The following UTP20 variants were observed in gnomAD, a reference collection of about 807,000 sequenced individuals.
UTP20 encodes UTP20 small subunit processome component.
In UTP20, 164 loss-of-function variants were observed where a neutral mutation model predicts 329.5. The ratio of observed to expected loss-of-function variants is 0.50; its 90% CI spans 0.44 to 0.57. The LOEUF is 0.57. Among genes scored for constraint, UTP20 ranks in the 20% least tolerant of loss-of-function variants. The probability of loss-of-function intolerance (pLI) is 0.00; values close to 1 mark genes in which losing one functional copy is unlikely to be tolerated. For missense variants in UTP20, 3,055 were observed against 3,284.2 expected (o/e 0.93, Z 1.71); for synonymous variants, 1,151 against 1,159.3 (o/e 0.99, Z 0.14).
At chr12:101,353,177 A>C in intron 40 of UTP20, 48 bp downstream of exon 40, 1 of 1,327,940 alleles carries the variant, frequency 7.5e-7, no homozygotes, top group South Asian at 1.3e-5. Flanking sequence ...TTATTCTTGG[A>C]TAGTGTATGG....
rs905370447 is a variant in UTP20, at chr12:101,327,373, A to G, written c.3208+126A>G. On this transcript the variant is annotated intron_variant, in intron 26 of 61. Transcript: ENST00000261637. ...GTTGTTCCTCCCAATCTTGATGGCA[A>G]TCTTTTTGCTGAAGTGCAACTCATT... is the stretch of plus-strand genomic sequence containing the variant. The G allele has an allele frequency of 1.4e-5, 14 of 968,188 alleles. No homozygotes were observed. The Admixed American group carries it at 1.5e-4, about 10-fold the overall frequency. 60.0% of individuals were successfully genotyped at this position (968,188 alleles called of 1,614,324 possible).
At chr12:101,370,687 A>G in intron 50 of UTP20, 124 bp downstream of exon 50, 2 of 1,115,196 alleles carry the variant, frequency 1.8e-6, no homozygotes, top group Non-Finnish European at 2.5e-6. Context: ...TGTAAAGATT[A>G]TTATGATTTT....
chr12:101,320,740 T>G, intron 23 of UTP20, 112 bp from the exon 24 acceptor site: 2 of 823,668 alleles, frequency 2.4e-6, no homozygotes, highest in Non-Finnish European at 3.6e-6. Context: ...TTAGGTCTTG[T>G]GTAAAAATTT....
intron 60 of UTP20, among the ~76,000 whole-genome samples, 162 bp from the exon 61 acceptor site, chr12:101,385,421 C>T (rs553749544): frequency 1.1e-4 from 16 of 152,260 alleles, no homozygotes; most frequent in Admixed American, 2.6e-4. Flanking sequence ...GTTGAAGTAA[C>T]AGTGATAATG....
intron 48 of UTP20, among the ~76,000 whole-genome samples, chr12:101,368,888 G>A (rs1027717710): frequency 6.6e-6 from 1 of 150,740 alleles, no homozygotes; most frequent in African/African-American, 2.5e-5. Context: ...TCCCAAGCTC[G>A]CTCTTCTGTG....
intron 12 of UTP20, among the ~76,000 whole-genome samples, chr12:101,298,609 T>C (rs1393676654): frequency 6.6e-6 from 1 of 152,108 alleles, no homozygotes; most frequent in East Asian, 1.9e-4. Context: ...GTGGAGCCAT[T>C]GGCAGGTCTA....
chr12:101,385,549 C>T, intron 60 of UTP20, 34 bp from the exon 61 acceptor site: 1 of 1,587,996 alleles, frequency 6.3e-7, no homozygotes, highest in Non-Finnish European at 8.5e-7. Flanking sequence ...CCTTTCCTAC[C>T]TGTCTCTGAT....
chr12:101,356,490 G>T (rs1869725120), intron 41 of UTP20, 64 bp from the exon 42 acceptor site: 4 of 1,343,590 alleles, frequency 3.0e-6, no homozygotes, highest in Non-Finnish European at 4.0e-6. Flanking sequence ...ATACAAAGTT[G>T]CAGTGTTGGT....
chr12:101,345,340 C>T (rs1044496867), intron 36 of UTP20, among the ~76,000 whole-genome samples: 1 of 151,928 alleles, frequency 6.6e-6, no homozygotes, highest in African/African-American at 2.4e-5. Context: ...GAGTACACCA[C>T]CACACCTGGC....
chr12:101,384,212 T>C (rs1395608780), intron 60 of UTP20, among the ~76,000 whole-genome samples: 2 of 152,198 alleles, frequency 1.3e-5, no homozygotes, highest in Non-Finnish European at 2.9e-5. Context: ...GCACAATGAA[T>C]AATAATGAAT....
chr12:101,292,035 A>G lies in UTP20; in HGVS notation c.1104A>G (p.Val368=). ...CTTGCTGGGAGACCCTCTTGGATGT[A>G]ATTTCTGCTTTGATCCTGGGTGAAA... ...STSCWETLLD[V]ISALILGENV... The change falls in exon 10 of 62, where the codon GTA becomes GTG. Residue 368 remains valine, a synonymous_variant. Coordinates refer to ENST00000261637, the MANE Select transcript of UTP20 (RefSeq NM_014503.3). 6.2e-7 allele frequency: 1 copy of G among 1,614,180 alleles called. No individual in the cohort carries two copies. Among genetic ancestry groups the G allele is most frequent in the Non-Finnish European group, 8.5e-7 (1 of 1,180,016 alleles).
intron 55 of UTP20, 93 bp downstream of exon 55, chr12:101,375,032 A>G (rs2121043293): frequency 2.6e-6 from 2 of 778,014 alleles, no homozygotes; most frequent in Non-Finnish European, 4.1e-6. Context: ...TATAGGTTAA[A>G]TATTTATATT....
At position 101,386,004 on chromosome 12, in the gene UTP20, A is replaced by G. The variant is rs1461328972; in HGVS notation, c.8239A>G (p.Met2747Val). The part of the protein sequence containing the change: ...TNPDIAAKKK[M>V]KKHKNKSEAK... ...TCCTGATATTGCTGCCAAGAAAAAAATGAAGAAACACAAAAATAAAAGTGA... is the reference window on the plus strand; with the variant it reads ...TCCTGATATTGCTGCCAAGAAAAAAGTGAAGAAACACAAAAATAAAAGTGA... Residue 2747 changes from methionine (M) to valine (V), a missense_variant, in exon 62 of 62, where the codon ATG (methionine) becomes GTG (valine). By Grantham distance (21) the Met-to-Val change is conservative (BLOSUM62 1). Transcript: ENST00000261637. The G allele has an allele frequency of 1.2e-6, 2 of 1,605,912 alleles. No individual in the cohort carries two copies. The highest frequency in any genetic ancestry group is 1.7e-6 in the Non-Finnish European group (2 of 1,177,354).
chr12:101,340,087 G>GTT (rs1302138473), intron 31 of UTP20, among the ~76,000 whole-genome samples: 3 of 151,926 alleles, frequency 2.0e-5, no homozygotes, highest in Non-Finnish European at 2.9e-5. Context: ...CTGAGTCTCA[G>GTT]TTTTTTTCAG....
intron 48 of UTP20, 23 bp from the exon 49 acceptor site, chr12:101,369,698 G>C (rs772619085): frequency 7.8e-7 from 1 of 1,284,934 alleles, no homozygotes. Context: ...CAAGTTGGTG[G>C]TGTTTTGTTT....
chr12:101,347,789 G>A (rs1047616763), intron 38 of UTP20, among the ~76,000 whole-genome samples: 1 of 152,090 alleles, frequency 6.6e-6, no homozygotes, highest in African/African-American at 2.4e-5. Flanking sequence ...TGTGTAGACA[G>A]GAAAAAAATA....
chr12:101,293,416 G>GT (rs1037570308), intron 11 of UTP20, among the ~76,000 whole-genome samples, 171 bp downstream of exon 11: 1 of 152,146 alleles, frequency 6.6e-6, no homozygotes, highest in African/African-American at 2.4e-5. Flanking sequence ...TAGATTACTT[G>GT]TTTTTTTAAT....
At chr12:101,296,337 CGA>C (rs1565786772) in intron 12 of UTP20, among the ~76,000 whole-genome samples, 1 of 151,960 alleles carries the variant, frequency 6.6e-6, no homozygotes, top group African/African-American at 2.4e-5. Context: ...TTTGGGAGGC[CGA>C]GGAGGGCAGA....
chr12:101,324,216 A>ATATTTATTTATT (rs1299674158), intron 25 of UTP20, among the ~76,000 whole-genome samples: 1 of 114,254 alleles, frequency 8.8e-6, no homozygotes, highest in Admixed American at 9.8e-5. Context: ...TTTGAGAGCC[A>ATATTTATTTATT]CATTTATTTA....
Sources: allele counts gnomAD v4.1 joint callset (sites outside exome capture counted in the v4.1 genomes callset), GRCh38; gene constraint gnomAD v4.1.1; transcripts MANE v1.5; gene names NCBI Gene and HGNC (gene_info 2026-07-23, HGNC 2026-07-21).